The following SEMA6A variants were observed in gnomAD, a reference collection of about 807,000 sequenced individuals.
SEMA6A encodes semaphorin 6A.
SEMA6A carries 25 observed loss-of-function variants against 96.8 expected under a neutral mutation model. That is an observed-to-expected ratio of 0.26 (90% confidence interval 0.19 to 0.36). The LOEUF (loss-of-function observed/expected upper bound fraction) is 0.36, where lower values mean the gene tolerates loss of function less well. SEMA6A is among the 10% of genes least tolerant of loss of function. SEMA6A has a pLI of 1.00. For missense variants in SEMA6A, 1,363 were observed against 1,323.1 expected (o/e 1.03, Z -0.47); for synonymous variants, 612 against 518.0 (o/e 1.18, Z -2.46).
chr5:116,475,065 A>G (rs891465469), intron 16 of SEMA6A, among the ~76,000 whole-genome samples: 4 of 152,262 alleles, frequency 2.6e-5, no homozygotes, highest in African/African-American at 4.8e-5. Flanking sequence ...TTTTTTTCCT[A>G]TTACATATGG....
chr5:116,480,972 G>C (rs1756731037), intron 11 of SEMA6A, among the ~76,000 whole-genome samples: 1 of 152,110 alleles, frequency 6.6e-6, no homozygotes, highest in African/African-American at 2.4e-5. Context: ...AGTCAGATTA[G>C]GGAAACACTG....
chr5:116,559,518 C>T (rs1466551082), intron 1 of SEMA6A, among the ~76,000 whole-genome samples: 1 of 152,044 alleles, frequency 6.6e-6, no homozygotes, highest in African/African-American at 2.4e-5. Flanking sequence ...CTCAGCCCGC[C>T]TGGGCTCATT....
At chr5:116,466,690 C>G (rs1001459296) in intron 18 of SEMA6A, among the ~76,000 whole-genome samples, 7 of 152,180 alleles carry the variant, frequency 4.6e-5, no homozygotes, top group African/African-American at 1.7e-4. Flanking sequence ...AGTGGCTGCT[C>G]TGCCCTTGAA....
intron 18 of SEMA6A, among the ~76,000 whole-genome samples, chr5:116,451,488 A>T (rs987882753): frequency 2.6e-5 from 4 of 152,204 alleles, no homozygotes; most frequent in Non-Finnish European, 5.9e-5. Flanking sequence ...TAGTTACTGA[A>T]TTTTGAAATA....
At chr5:116,556,332 A>T (rs1760604271) in intron 1 of SEMA6A, among the ~76,000 whole-genome samples, 1 of 152,218 alleles carries the variant, frequency 6.6e-6, no homozygotes, top group Non-Finnish European at 1.5e-5. Context: ...TCATCTGGAC[A>T]CTATCATCTC....
chr5:116,450,490 T>A (rs1032237503), intron 18 of SEMA6A, among the ~76,000 whole-genome samples: 1 of 152,246 alleles, frequency 6.6e-6, no homozygotes, highest in African/African-American at 2.4e-5. Context: ...TTCACATGTA[T>A]CCATTGCTTC....
At chr5:116,497,892 TGAC>T in intron 3 of SEMA6A, among the ~76,000 whole-genome samples, 1 of 152,328 alleles carries the variant, frequency 6.6e-6, no homozygotes, top group East Asian at 1.9e-4. Context: ...ACAGGATGGA[TGAC>T]GACAAAGGTA....
chr5:116,481,831 T>C (rs1756791020), intron 11 of SEMA6A, among the ~76,000 whole-genome samples: 1 of 152,058 alleles, frequency 6.6e-6, no homozygotes, highest in Non-Finnish European at 1.5e-5. Context: ...CTCTGGACCA[T>C]AGTATCCCAT....
At chr5:116,519,386 G>T (rs1416383667) in intron 1 of SEMA6A, among the ~76,000 whole-genome samples, 3 of 152,170 alleles carry the variant, frequency 2.0e-5, no homozygotes, top group African/African-American at 7.2e-5. Context: ...CATGAGATGT[G>T]AGAAAATATC....
chr5:116,528,896 G>C (rs1286989070), intron 1 of SEMA6A, among the ~76,000 whole-genome samples: 2 of 152,176 alleles, frequency 1.3e-5, no homozygotes, highest in African/African-American at 4.8e-5. Flanking sequence ...CCTTCCAGCA[G>C]ATAATGCCTG....
At chr5:116,497,829 C>T (rs1292619217) in intron 3 of SEMA6A, among the ~76,000 whole-genome samples, 1 of 152,212 alleles carries the variant, frequency 6.6e-6, no homozygotes, top group South Asian at 2.1e-4. Flanking sequence ...TGATCTCCAT[C>T]GCCCTCTCTC....
chr5:116,488,527 G>A (rs1757175367), intron 8 of SEMA6A, among the ~76,000 whole-genome samples: 1 of 152,108 alleles, frequency 6.6e-6, no homozygotes, highest in South Asian at 2.1e-4. Context: ...ACTCATACAG[G>A]GTTGTGAATA....
chr5:116,504,541 C>T (rs371308685), intron 2 of SEMA6A, among the ~76,000 whole-genome samples: 65 of 152,272 alleles, frequency 4.3e-4, no homozygotes, highest in African/African-American at 1.3e-3. Flanking sequence ...CAGATCATAG[C>T]GATATTCTCC....
Position 116,443,771 on chromosome 5 carries a change from C to A in SEMA6A, c.*2842G>T, listed in dbSNP as rs998496193. 4 of 152,542 alleles carry A rather than the reference C, an allele frequency of 2.6e-5. No individual in the cohort carries two copies. The highest frequency in any genetic ancestry group is 9.7e-5 in the African/African-American group (4 of 41,402). 9.4% of individuals were successfully genotyped at this position (152,542 alleles called of 1,614,324 possible). ...TATAAATCTGAGTTTGTTGCATCTA[C>A]CAGTGTCTAGCAAGGGTGGAAAGCA... is the stretch of plus-strand genomic sequence containing the variant. On this transcript the variant is annotated 3_prime_UTR_variant, in exon 19 of 19. Transcript: ENST00000343348.
chr5:116,524,789 G>C (rs868292879), intron 1 of SEMA6A, among the ~76,000 whole-genome samples: 25 of 130,658 alleles, frequency 1.9e-4, no homozygotes, highest in African/African-American at 6.4e-4. Flanking sequence ...CACACACACA[G>C]ACACACACAC....
Position 116,543,246 on chromosome 5 carries a change from G to A in SEMA6A, c.-39+30939C>T, listed in dbSNP as rs374501158. ...TGTTTTTGGAAAATTCTTACAAGGC[G>A]CTTGGGTCCAGTAAAACCTCCTCCC... is the stretch of plus-strand genomic sequence containing the variant. On this transcript the variant is annotated intron_variant, in intron 1 of 18. Coordinates refer to ENST00000343348, the MANE Select transcript of SEMA6A (RefSeq NM_020796.5). Among the ~76,000 whole-genome samples, 27 of 152,154 alleles carry A rather than the reference G, an allele frequency of 1.8e-4. No homozygotes were observed. In the South Asian group the frequency reaches 4.8e-3, roughly 27 times the overall value.
chr5:116,565,861 A>G (rs932937856), intron 1 of SEMA6A, among the ~76,000 whole-genome samples: 7 of 152,176 alleles, frequency 4.6e-5, no homozygotes, highest in Admixed American at 3.9e-4. Context: ...GAACGTTTCC[A>G]TTCACCAGCT....
intron 1 of SEMA6A, among the ~76,000 whole-genome samples, chr5:116,519,697 A>T (rs1219892247): frequency 6.6e-6 from 1 of 150,996 alleles, no homozygotes; most frequent in East Asian, 1.9e-4. Flanking sequence ...ACACACGCAC[A>T]CACATACATT....
chr5:116,519,729 A>G (rs1190484701), intron 1 of SEMA6A, among the ~76,000 whole-genome samples: 9 of 152,132 alleles, frequency 5.9e-5, no homozygotes, highest in Admixed American at 5.9e-4. Context: ...ACAGACTTAC[A>G]TAAAACACTG....
Sources: allele counts gnomAD v4.1 joint callset (sites outside exome capture counted in the v4.1 genomes callset), GRCh38; gene constraint gnomAD v4.1.1; transcripts MANE v1.5; gene names NCBI Gene and HGNC (gene_info 2026-07-23, HGNC 2026-07-21).